Variants in ADAMTS2 observed in about 807,000 individuals in gnomAD.
ADAMTS2 encodes A disintegrin and metalloproteinase with thrombospondin motifs 2.
A neutral mutation model predicts 123.0 loss-of-function variants in ADAMTS2; 50 were observed. That is an observed-to-expected ratio of 0.41 (90% CI 0.32 to 0.51). ADAMTS2 has a LOEUF of 0.51. Ranked by LOEUF, ADAMTS2 falls within the 20% of genes least tolerant of loss-of-function variation. ADAMTS2 has a pLI of 0.35. For missense variants in ADAMTS2, 1,494 were observed against 1,705.2 expected (o/e 0.88, Z 2.18); for synonymous variants, 678 against 695.4 (o/e 0.98, Z 0.39).
chr5:179,182,908 C>G (rs757486200), intron 4 of ADAMTS2, among the ~76,000 whole-genome samples: 1 of 152,156 alleles, frequency 6.6e-6, no homozygotes, highest in East Asian at 1.9e-4. Context: ...CAAGATGGAG[C>G]TCCGAGGAGG....
In ADAMTS2 at chr5:179,308,745, C is replaced by A. The variant is rs988135298; in HGVS notation, c.534+35022G>T. Among the ~76,000 whole-genome samples, 14 of 152,176 alleles carry A rather than the reference C, an allele frequency of 9.2e-5. No individual in the cohort carries two copies. The highest frequency in any genetic ancestry group is 3.4e-4 in the African/African-American group (14 of 41,446). Reference sequence around the variant, plus strand: ...TGGCGTCCTGAGTGGAAGCAGGGCGCGGGCTGCCATGGAACCCCACCCTCC... The same window carrying A: ...TGGCGTCCTGAGTGGAAGCAGGGCGAGGGCTGCCATGGAACCCCACCCTCC... On this transcript the variant is annotated intron_variant, in intron 2 of 21. Coordinates refer to ENST00000251582, the MANE Select transcript of ADAMTS2 (RefSeq NM_014244.5). This position sits in a 1 kb window ranked among gnomAD's most constrained non-coding sequence, Gnocchi z 6.6.
At chr5:179,122,507 C>T (rs1042612173) in intron 20 of ADAMTS2, 137 bp downstream of exon 20, 1 of 1,316,702 alleles carries the variant, frequency 7.6e-7, no homozygotes, top group African/African-American at 1.5e-5. Flanking sequence ...CCTGCAGTGC[C>T]CCGCTTCTCC....
At chr5:179,210,684 A>G (rs927141062) in intron 3 of ADAMTS2, among the ~76,000 whole-genome samples, 1 of 152,196 alleles carries the variant, frequency 6.6e-6, no homozygotes, top group Non-Finnish European at 1.5e-5. Context: ...GCTGGACAGG[A>G]CAAGGGGAGA....
rs749434339 is a variant in ADAMTS2, at chr5:179,128,895, G to A, written c.2458-777C>T. ...CAGGCTCAGGGTGATTTTCAACAGC[G>A]AAATCGCCCCCAAAATAGCACAAAA... is the stretch of plus-strand genomic sequence containing the variant. On this transcript the variant is annotated intron_variant, in intron 16 of 21. Transcript: ENST00000251582. This position sits in a 1 kb window ranked among gnomAD's most constrained non-coding sequence, Gnocchi z 4.9. Among the ~76,000 whole-genome samples the A allele has an allele frequency of 1.1e-4, 17 of 152,116 alleles. No individual in the cohort carries two copies. Among genetic ancestry groups the A allele is most frequent in the Non-Finnish European group, 1.9e-4 (13 of 68,020 alleles).
intron 10 of ADAMTS2, among the ~76,000 whole-genome samples, chr5:179,146,544 T>C (rs1184145884): frequency 1.3e-5 from 2 of 152,242 alleles, no homozygotes; most frequent in Admixed American, 6.5e-5. Flanking sequence ...GTTGTCAACA[T>C]TTCATGGCAA....
At chr5:179,227,711 C>T (rs1405759397) in intron 3 of ADAMTS2, among the ~76,000 whole-genome samples, 2 of 152,096 alleles carry the variant, frequency 1.3e-5, no homozygotes, top group Non-Finnish European at 2.9e-5. Context: ...TTCCTGACCA[C>T]GGCCCACAGG....
At chr5:179,230,692 A>T (rs1037513587) in intron 3 of ADAMTS2, among the ~76,000 whole-genome samples, 2 of 152,200 alleles carry the variant, frequency 1.3e-5, no homozygotes, top group Non-Finnish European at 2.9e-5. Context: ...ATGTACTGTC[A>T]GGCACTCTTT....
rs1294204812 is a variant in ADAMTS2, at chr5:179,155,204, C to A, written c.1133-285G>T. 6.6e-6 allele frequency among the ~76,000 whole-genome samples: 1 copy of A among 152,258 alleles called. No homozygotes were observed. Among genetic ancestry groups the A allele is most frequent in the Non-Finnish European group, 1.5e-5 (1 of 68,038 alleles). ...GGGCCCTCTGCTTAGTCAGATGTCA[C>A]CTGCTATGGCTTGTCTGACACCTGA... On this transcript the variant is annotated intron_variant, in intron 6 of 21. Coordinates refer to ENST00000251582, the MANE Select transcript of ADAMTS2 (RefSeq NM_014244.5). This position sits in a 1 kb window ranked among gnomAD's most constrained non-coding sequence, Gnocchi z 5.1.
chr5:179,264,878 T>TG (rs1766321388), intron 3 of ADAMTS2, among the ~76,000 whole-genome samples: 1 of 151,852 alleles, frequency 6.6e-6, no homozygotes, highest in Non-Finnish European at 1.5e-5. Context: ...GCATGTCGGG[T>TG]GGAGCTGAGC....
In ADAMTS2 at chr5:179,317,086, C is replaced by A. The variant is rs906011490; in HGVS notation, c.534+26681G>T. 1.3e-5 allele frequency among the ~76,000 whole-genome samples: 2 copies of A among 152,164 alleles called. No individual in the cohort carries two copies. The highest frequency in any genetic ancestry group is 4.8e-5 in the African/African-American group (2 of 41,436). Reference sequence around the variant, plus strand: ...GCTAATTCTCAGCAACAGACAATTACAGGAACACAAGGACAAAGCCCAGAG... The same window carrying A: ...GCTAATTCTCAGCAACAGACAATTAAAGGAACACAAGGACAAAGCCCAGAG... On this transcript the variant is annotated intron_variant, in intron 2 of 21. Transcript: ENST00000251582. The surrounding 1 kb of genome is among the most constrained non-coding windows in gnomAD (Gnocchi z 4.9).
chr5:179,129,134 C>T lies in ADAMTS2; in HGVS notation c.2457+798G>A, dbSNP rs116244812. Among the ~76,000 whole-genome samples the T allele has an allele frequency of 9.5e-3, 1,445 of 152,242 alleles. 20 individuals carry two copies. The highest frequency in any genetic ancestry group is 0.032 in the African/African-American group (1,318 of 41,530). ...TTTGCAAATACAGAAACCGTGAGTG[C>T]CGAGGACCAGCTGCTCACACACTGA... On this transcript the variant is annotated intron_variant, in intron 16 of 21. Coordinates refer to ENST00000251582, the MANE Select transcript of ADAMTS2 (RefSeq NM_014244.5). The surrounding 1 kb of genome is among the most constrained non-coding windows in gnomAD (Gnocchi z 4.1).
intron 2 of ADAMTS2, among the ~76,000 whole-genome samples, chr5:179,343,357 C>G (rs754810000): frequency 6.6e-6 from 1 of 152,248 alleles, no homozygotes; most frequent in Non-Finnish European, 1.5e-5. Flanking sequence ...CACTGGCACA[C>G]GCACATGTTC....
At chr5:179,184,230 TGGCCAGGCGCAGTG>T in intron 4 of ADAMTS2, among the ~76,000 whole-genome samples, 1 of 152,166 alleles carries the variant, frequency 6.6e-6, no homozygotes, top group East Asian at 1.9e-4. Flanking sequence ...AAGAAAGCCC[TGGCCAGGCGCAGTG>T]GCTCACGCCT....
chr5:179,185,156 GAGA>G lies in ADAMTS2; in HGVS notation c.892-4004_892-4002del, dbSNP rs966070052. Among the ~76,000 whole-genome samples, 1 of 152,196 alleles carries G rather than the reference GAGA, an allele frequency of 6.6e-6. No homozygotes were observed. The highest frequency in any genetic ancestry group is 2.4e-5 in the African/African-American group (1 of 41,440). On this transcript the variant is annotated intron_variant, in intron 4 of 21. Transcript: ENST00000251582. This position sits in a 1 kb window ranked among gnomAD's most constrained non-coding sequence, Gnocchi z 5.9. ...CACTGAGGCCAGACCACGAAGTCAGGAGAAGGATTCCAAATCCTCTCTAAGAGC... is the reference window on the plus strand; with the variant it reads ...CACTGAGGCCAGACCACGAAGTCAGGAGGATTCCAAATCCTCTCTAAGAGC...
At chr5:179,275,641 C>T (rs529738494) in intron 2 of ADAMTS2, among the ~76,000 whole-genome samples, 2 of 152,138 alleles carry the variant, frequency 1.3e-5, no homozygotes, top group Admixed American at 6.5e-5. Context: ...GAGATTGGAG[C>T]GATGTGGCCT....
At chr5:179,252,556 A>T (rs338878) in intron 3 of ADAMTS2, among the ~76,000 whole-genome samples, 138,141 of 151,960 alleles carry the variant, frequency 0.91, 64,201 homozygotes, top group East Asian at 1. Context: ...TATTTTTTTT[A>T]AATTTCCAAA....
intron 5 of ADAMTS2, among the ~76,000 whole-genome samples, chr5:179,173,970 G>A (rs541702271): frequency 2.4e-4 from 35 of 144,156 alleles, no homozygotes; most frequent in Middle Eastern, 3.7e-3. Flanking sequence ...CTGAGGTCGC[G>A]CCACTGCACT....
intron 10 of ADAMTS2, among the ~76,000 whole-genome samples, chr5:179,148,215 C>T (rs985390551): frequency 6.6e-6 from 1 of 152,122 alleles, no homozygotes; most frequent in African/African-American, 2.4e-5. Flanking sequence ...CCCTCCCTGC[C>T]CCTGTGCACG....
Position 179,345,403 on chromosome 5 carries a change from C to G in ADAMTS2, c.-75G>C, listed in dbSNP as rs1757925060. Reference sequence around the variant, plus strand: ...TCCCCGCGAGCCGCCCAGCCCACATCTGGGGGCAGCTGGAGCCGCCCGCAG... The same window carrying G: ...TCCCCGCGAGCCGCCCAGCCCACATGTGGGGGCAGCTGGAGCCGCCCGCAG... On this transcript the variant is annotated 5_prime_UTR_variant, in exon 1 of 22. Transcript: ENST00000251582. This position sits in a 1 kb window ranked among gnomAD's most constrained non-coding sequence, Gnocchi z 7.5. The G allele has an allele frequency of 9.6e-7, 1 of 1,037,040 alleles. No individual in the cohort carries two copies. Among genetic ancestry groups the G allele is most frequent in the Non-Finnish European group, 1.2e-6 (1 of 863,338 alleles). The allele number at this position is 1,037,040 out of a possible 1,614,324, so 64.2% of individuals were successfully genotyped here. A position where few individuals can be genotyped will look rare whatever the true frequency, so the allele number is the denominator to read the frequency against.
Sources: allele counts gnomAD v4.1 joint callset (sites outside exome capture counted in the v4.1 genomes callset), GRCh38; gene constraint gnomAD v4.1.1; non-coding constraint Gnocchi (gnomAD v3.1); transcripts MANE v1.5; gene names NCBI Gene and HGNC (gene_info 2026-07-23, HGNC 2026-07-21).